DLC1: variants seen among roughly 807,000 people sequenced by gnomAD.
The protein encoded by DLC1 is rho GTPase-activating protein 7.
DLC1 carries 54 observed loss-of-function variants against 140.3 expected under a neutral mutation model. The ratio of observed to expected loss-of-function variants is 0.38; its 90% CI spans 0.31 to 0.48. The LOEUF (loss-of-function observed/expected upper bound fraction) is 0.48. Ranked by LOEUF, DLC1 falls within the 20% of genes least tolerant of loss-of-function variation. The pLI is 0.96. For synonymous variants in DLC1, 986 were observed against 728.1 expected (o/e 1.35, Z -5.70); for missense variants, 2,536 against 1,907.0 (o/e 1.33, Z -6.14).
intron 2 of DLC1, among the ~76,000 whole-genome samples, chr8:13,442,017 T>C (rs1798534831): frequency 1.3e-5 from 2 of 152,088 alleles, no homozygotes; most frequent in Non-Finnish European, 1.5e-5. Flanking sequence ...TACAGACCAA[T>C]GGAATAGAAC....
intron 1 of DLC1, among the ~76,000 whole-genome samples, chr8:13,527,490 G>A (rs111637496): frequency 6.1e-4 from 93 of 151,992 alleles, no homozygotes; most frequent in African/African-American, 1.7e-3. Flanking sequence ...TTTAATTTGC[G>A]GATATTAAGG....
At position 13,391,772 on chromosome 8, in the gene DLC1, A is replaced by G. The variant is rs74867359; in HGVS notation, c.1314+1781T>C. Among the ~76,000 whole-genome samples, 1,450 of 152,300 alleles carry G rather than the reference A, an allele frequency of 9.5e-3. 20 individuals carry two copies. Among genetic ancestry groups the G allele is most frequent in the African/African-American group, 0.033 (1,368 of 41,556 alleles). Reference sequence around the variant, plus strand: ...GAAATGTGTATGTTCCAAGAGAGAAAGTGGATACCACCAGTAATTATATCA... The same window carrying G: ...GAAATGTGTATGTTCCAAGAGAGAAGGTGGATACCACCAGTAATTATATCA... On this transcript the variant is annotated intron_variant, in intron 4 of 17. Transcript: ENST00000276297.
intron 1 of DLC1, among the ~76,000 whole-genome samples, chr8:13,507,596 A>T (rs1293961722): frequency 6.6e-6 from 1 of 152,192 alleles, no homozygotes; most frequent in Non-Finnish European, 1.5e-5. Flanking sequence ...CCCACACAAA[A>T]TCATTATTCC....
At chr8:13,534,151 T>A (rs1233459925) in intron 1 of DLC1, among the ~76,000 whole-genome samples, 1 of 152,182 alleles carries the variant, frequency 6.6e-6, no homozygotes, top group Non-Finnish European at 1.5e-5. Context: ...TTGACAGTTA[T>A]AAAGTGTCAA....
chr8:13,094,981 G>A, intron 11 of DLC1, 24 bp from the exon 12 acceptor site: 2 of 1,614,082 alleles, frequency 1.2e-6, no homozygotes, highest in Non-Finnish European at 1.7e-6. Context: ...AACACTAAGT[G>A]TGGGGTACAT....
At chr8:13,453,458 ATG>A (rs1433474738) in intron 2 of DLC1, among the ~76,000 whole-genome samples, 11 of 26,926 alleles carry the variant, frequency 4.1e-4, no homozygotes, top group African/African-American at 1.7e-3. Flanking sequence ...ACATATATAT[ATG>A]TATATATATA....
intron 5 of DLC1, among the ~76,000 whole-genome samples, chr8:13,255,670 C>T (rs1008142701): frequency 6.6e-6 from 1 of 152,154 alleles, no homozygotes; most frequent in Non-Finnish European, 1.5e-5. Flanking sequence ...AGGATTCATG[C>T]TGTTCCCTTC....
chr8:13,586,774 A>C (rs1049740799), intron 1 of DLC1, among the ~76,000 whole-genome samples: 1 of 152,126 alleles, frequency 6.6e-6, no homozygotes, highest in African/African-American at 2.4e-5. Context: ...AATACAGAAC[A>C]GTTCCATCAC....
rs1563174056 is a variant in DLC1 at position 13,219,034 on chromosome 8, G to GAATATAATTATACAATTATATA, written c.1348+86234_1348+86235insTATATAATTGTATAATTATATT. ...TATAATTATATACGTATATAATTAT[G>GAATATAATTATACAATTATATA]TGAATATAATTATATACGAATATAA... is the stretch of plus-strand genomic sequence containing the variant. On this transcript the variant is annotated intron_variant, in intron 5 of 17. Coordinates refer to ENST00000276297, the MANE Select transcript of DLC1 (RefSeq NM_182643.3). Among the ~76,000 whole-genome samples, 154 of 29,764 alleles carry GAATATAATTATACAATTATATA rather than the reference G, an allele frequency of 5.2e-3. 21 individuals are homozygous for GAATATAATTATACAATTATATA. Among genetic ancestry groups the GAATATAATTATACAATTATATA allele is most frequent in the African/African-American group, 0.02 (107 of 5,384 alleles). The allele number at this position is 29,764 out of a possible 152,430, so 19.5% of individuals were successfully genotyped here. A position where few individuals can be genotyped will look rare whatever the true frequency, so the allele number is the denominator to read the frequency against.
At chr8:13,203,936 C>T (rs1012523227) in intron 5 of DLC1, among the ~76,000 whole-genome samples, 1 of 152,134 alleles carries the variant, frequency 6.6e-6, no homozygotes, top group Non-Finnish European at 1.5e-5. Context: ...TGCTATTACC[C>T]TGGAGGAGGC....
intron 1 of DLC1, among the ~76,000 whole-genome samples, chr8:13,544,497 A>G (rs1267564569): frequency 6.6e-6 from 1 of 152,160 alleles, no homozygotes; most frequent in Non-Finnish European, 1.5e-5. Flanking sequence ...AGGTGCAGAG[A>G]TGGGAGGATC....
chr8:13,439,600 A>G (rs1839270026), intron 2 of DLC1, among the ~76,000 whole-genome samples: 1 of 151,992 alleles, frequency 6.6e-6, no homozygotes, highest in Non-Finnish European at 1.5e-5. Flanking sequence ...ATACACCTGT[A>G]TTTTCTTTGG....
intron 5 of DLC1, among the ~76,000 whole-genome samples, chr8:13,170,204 T>G (rs531887967): frequency 6.6e-6 from 1 of 152,198 alleles, no homozygotes; most frequent in Admixed American, 6.5e-5. Flanking sequence ...TCTTTAGAGA[T>G]GGAGATGTTA....
chr8:13,370,614 T>A (rs891025765), intron 4 of DLC1, among the ~76,000 whole-genome samples: 1 of 152,186 alleles, frequency 6.6e-6, no homozygotes, highest in Non-Finnish European at 1.5e-5. Context: ...AACTGAAAAG[T>A]CCAGTTGTAG....
chr8:13,342,377 T>A (rs1834102414), intron 4 of DLC1: 1 of 152,208 alleles, frequency 6.6e-6, no homozygotes, highest in South Asian at 2.1e-4. Flanking sequence ...ATATGATGGT[T>A]AATTTTATGT....
At chr8:13,180,108 T>G (rs934286132) in intron 5 of DLC1, among the ~76,000 whole-genome samples, 10 of 152,186 alleles carry the variant, frequency 6.6e-5, no homozygotes, top group African/African-American at 2.4e-4. Context: ...GAGATGGTGT[T>G]TACAGACATT....
chr8:13,329,597 G>A (rs1451554054), intron 4 of DLC1, among the ~76,000 whole-genome samples: 1 of 152,120 alleles, frequency 6.6e-6, no homozygotes, highest in Non-Finnish European at 1.5e-5. Context: ...AAATTTTGGG[G>A]TGACTTGGTT....
At chr8:13,567,829 G>C in intron 1 of DLC1, 2 of 1,551,854 alleles carry the variant, frequency 1.3e-6, no homozygotes, top group Non-Finnish European at 1.7e-6. Context: ...TGAAAGATCA[G>C]AGACAGAGCA....
At chr8:13,332,881 A>G (rs1442623464) in intron 4 of DLC1, among the ~76,000 whole-genome samples, 1 of 152,044 alleles carries the variant, frequency 6.6e-6, no homozygotes. Flanking sequence ...TATTTGACTG[A>G]GTCACTGCTG....
Sources: allele counts gnomAD v4.1 joint callset (sites outside exome capture counted in the v4.1 genomes callset), GRCh38; gene constraint gnomAD v4.1.1; transcripts MANE v1.5; gene names NCBI Gene and HGNC (gene_info 2026-07-23, HGNC 2026-07-21).